The following ATP13A5 variants were observed in gnomAD, a reference collection of about 807,000 sequenced individuals.
The protein encoded by ATP13A5 is probable cation-transporting ATPase 13A5.
In ATP13A5, 149 loss-of-function variants were observed where a neutral mutation model predicts 150.2. That is an observed-to-expected ratio of 0.99 (90% confidence interval 0.87 to 1.14). The LOEUF (loss-of-function observed/expected upper bound fraction) is 1.14. Among genes scored for constraint, ATP13A5 ranks in the 50% most tolerant of loss-of-function variants. ATP13A5 has a pLI of 0.00. For synonymous variants in ATP13A5, 497 were observed against 522.2 expected (o/e 0.95, Z 0.66); for missense variants, 1,383 against 1,449.3 (o/e 0.95, Z 0.74).
intron 27 of ATP13A5, among the ~76,000 whole-genome samples, chr3:193,280,003 A>AAAT (rs1553808806): frequency 6.8e-6 from 1 of 147,732 alleles, no homozygotes; most frequent in African/African-American, 2.5e-5. Context: ...AAAAAAAAAA[A>AAAT]GCCCTGTGTA....
At chr3:193,358,233 A>C (rs1712865136) in intron 5 of ATP13A5, among the ~76,000 whole-genome samples, 1 of 152,180 alleles carries the variant, frequency 6.6e-6, no homozygotes, top group African/African-American at 2.4e-5. Context: ...GGCATAACCC[A>C]CTTCCAGGAA....
In ATP13A5 at chr3:193,327,069, T is replaced by C. The variant is rs1719493294; in HGVS notation, c.1462-12A>G. On this transcript the variant is annotated splice_polypyrimidine_tract_variant and intron_variant, in intron 12 of 29. Coordinates refer to ENST00000342358, the MANE Select transcript of ATP13A5 (RefSeq NM_198505.4). Reference sequence around the variant, plus strand: ...GTGAGAGTGCCAGTCTGAGTAAAAATTAAAAGCAATATTAGCATAAGATTT... The same window carrying C: ...GTGAGAGTGCCAGTCTGAGTAAAAACTAAAAGCAATATTAGCATAAGATTT... 6.2e-7 allele frequency: 1 copy of C among 1,600,608 alleles called. No homozygotes were observed. The highest frequency in any genetic ancestry group is 1.8e-5 in the Admixed American group (1 of 56,220).
intron 1 of ATP13A5, among the ~76,000 whole-genome samples, chr3:193,373,234 G>A (rs1224954966): frequency 1.3e-5 from 2 of 152,070 alleles, no homozygotes; most frequent in Non-Finnish European, 2.9e-5. Context: ...TGCCTCCCAG[G>A]TTCAAGCGAT....
At chr3:193,341,420 G>A (rs779877344) in intron 9 of ATP13A5, among the ~76,000 whole-genome samples, 15 of 152,120 alleles carry the variant, frequency 9.9e-5, no homozygotes, top group Non-Finnish European at 1.6e-4. Flanking sequence ...CAAAGTCCTC[G>A]TACTGGGAGT....
At chr3:193,368,392 T>TTTG (rs1553823591) in intron 1 of ATP13A5, among the ~76,000 whole-genome samples, 1 of 147,354 alleles carries the variant, frequency 6.8e-6, no homozygotes, top group East Asian at 2.0e-4. Flanking sequence ...CTCTTCAGAC[T>TTTG]TGTGTGTGTG....
intron 16 of ATP13A5, among the ~76,000 whole-genome samples, chr3:193,319,858 A>G (rs1233456502): frequency 2.0e-5 from 3 of 152,202 alleles, no homozygotes; most frequent in Admixed American, 6.5e-5. Flanking sequence ...AGCCATGCCC[A>G]TTTGATTGTT....
intron 7 of ATP13A5, among the ~76,000 whole-genome samples, chr3:193,350,738 T>G (rs1388496179): frequency 6.6e-6 from 1 of 152,162 alleles, no homozygotes; most frequent in Non-Finnish European, 1.5e-5. Context: ...TGCACACAGT[T>G]GAGATGCTAC....
intron 16 of ATP13A5, among the ~76,000 whole-genome samples, chr3:193,319,359 A>G (rs1291437299): frequency 1.3e-5 from 2 of 152,142 alleles, no homozygotes; most frequent in South Asian, 4.1e-4. Context: ...TCCAAAATTC[A>G]TATGTTGAAG....
chr3:193,364,106 C>G lies in ATP13A5; in HGVS notation c.237+1G>C. On this transcript the variant is annotated splice_donor_variant, in intron 2 of 29. Transcript: ENST00000342358. LOFTEE classifies it high-confidence loss of function. The stretch of plus-strand genomic sequence containing the variant: ...AAAATAGAAAACAGAAAGGCACGCA[C>G]TGTTGTCCTCAGCAAAACAGTGTCT... 16 of 1,613,964 alleles carry G rather than the reference C, an allele frequency of 9.9e-6. No individual in the cohort carries two copies. Among genetic ancestry groups the G allele is most frequent in the Non-Finnish European group, 1.4e-5 (16 of 1,179,908 alleles).
rs193276633 is a variant in ATP13A5 at position 193,348,768 on chromosome 3, G to T, written c.741+2299C>A. Among the ~76,000 whole-genome samples the T allele has an allele frequency of 2.0e-5, 3 of 152,210 alleles. No homozygotes were observed. In the South Asian group the frequency reaches 6.2e-4, roughly 32 times the overall value. ...TCAACAGAATGATTTGGAGATAGCA[G>T]TAGATGCTCCTTCTTTCAGTCCTGC... On this transcript the variant is annotated intron_variant, in intron 7 of 29. Coordinates refer to ENST00000342358, the MANE Select transcript of ATP13A5 (RefSeq NM_198505.4).
At chr3:193,298,302 T>C (rs1239356069) in intron 25 of ATP13A5, among the ~76,000 whole-genome samples, 2 of 152,106 alleles carry the variant, frequency 1.3e-5, no homozygotes, top group Admixed American at 6.6e-5. Flanking sequence ...ATTAATAACA[T>C]GTAGAAAAAT....
intron 26 of ATP13A5, among the ~76,000 whole-genome samples, chr3:193,289,031 GTTATAC>G (rs760235826): frequency 1.3e-5 from 2 of 152,196 alleles, no homozygotes; most frequent in South Asian, 2.1e-4. Flanking sequence ...TATATTCCTA[GTTATAC>G]TTAAATTGCC....
chr3:193,289,989 T>G lies in ATP13A5; in HGVS notation c.2919A>C (p.Leu973Phe). 6.2e-7 allele frequency: 1 copy of G among 1,612,744 alleles called. No homozygotes were observed. The highest frequency in any genetic ancestry group is 8.5e-7 in the Non-Finnish European group (1 of 1,179,232). The change falls in exon 26 of 30, where the codon TTA becomes TTC. Residue 973 changes from leucine to phenylalanine, a missense_variant. Coordinates refer to ENST00000342358, the MANE Select transcript of ATP13A5 (RefSeq NM_198505.4). ...RPAGQLLSPP[L>F]LLSIFLNSCF... Reference sequence around the variant, plus strand: ...AGGAATTCAAAAATATTGAAAGCAGTAAAGGGGGAGAAAGGAGCTGTCCTG... The same window carrying G: ...AGGAATTCAAAAATATTGAAAGCAGGAAAGGGGGAGAAAGGAGCTGTCCTG...
intron 12 of ATP13A5, among the ~76,000 whole-genome samples, chr3:193,329,099 G>T (rs1711525335): frequency 6.6e-6 from 1 of 152,120 alleles, no homozygotes; most frequent in Non-Finnish European, 1.5e-5. Context: ...ACAAAAATTA[G>T]CTGGGCATGG....
intron 25 of ATP13A5, 63 bp downstream of exon 25, chr3:193,299,068 G>A (rs1718287155): frequency 1.5e-6 from 2 of 1,377,562 alleles, no homozygotes; most frequent in African/African-American, 1.5e-5. Context: ...CTTTTTGTGT[G>A]ACTGTTTCTA....
At chr3:193,293,704 A>G (rs188466142) in intron 25 of ATP13A5, among the ~76,000 whole-genome samples, 1 of 152,226 alleles carries the variant, frequency 6.6e-6, no homozygotes, top group Admixed American at 6.5e-5. Flanking sequence ...AAATTTCAGG[A>G]GGTTCATGAA....
chr3:193,345,185 G>T, intron 7 of ATP13A5, 110 bp from the exon 8 acceptor site: 3 of 1,015,814 alleles, frequency 3.0e-6, no homozygotes, highest in Non-Finnish European at 4.6e-6. Context: ...GTGACTCTGG[G>T]CAAAGGACTC....
intron 7 of ATP13A5, among the ~76,000 whole-genome samples, chr3:193,347,534 T>TTTTTTTG (rs1712393427): frequency 1.3e-5 from 2 of 151,250 alleles, no homozygotes; most frequent in African/African-American, 4.9e-5. Context: ...CTTTTTTTTT[T>TTTTTTTG]GCTTAGAAAC....
At chr3:193,361,982 G>A (rs1713021029) in intron 5 of ATP13A5, among the ~76,000 whole-genome samples, 1 of 152,148 alleles carries the variant, frequency 6.6e-6, no homozygotes, top group South Asian at 2.1e-4. Flanking sequence ...AACCGAGCAA[G>A]CAAAATCCTC....
Sources: gnomAD v4.1 joint callset for allele counts (sites outside exome capture counted in the v4.1 genomes callset) on GRCh38, gnomAD v4.1.1 for gene constraint, MANE v1.5 for transcripts, NCBI Gene and HGNC (gene_info 2026-07-23, HGNC 2026-07-21) for gene names.